GOLGA4: variants seen among roughly 807,000 people sequenced by gnomAD.
GOLGA4 encodes the protein golgin subfamily A member 4.
GOLGA4 carries 169 observed loss-of-function variants against 265.9 expected under a neutral mutation model. The ratio of observed to expected loss-of-function variants is 0.64; its 90% CI spans 0.56 to 0.72. The LOEUF (loss-of-function observed/expected upper bound fraction) is 0.72, where lower values mean the gene tolerates loss of function less well. Among genes scored for constraint, GOLGA4 ranks in the 30% least tolerant of loss-of-function variants. The probability of loss-of-function intolerance (pLI) is 0.00; values close to 1 mark genes in which losing one functional copy is unlikely to be tolerated. For synonymous variants in GOLGA4, 923 were observed against 855.8 expected (o/e 1.08, Z -1.37); for missense variants, 2,482 against 2,483.4 (o/e 1.00, Z 0.01).
chr3:37,306,392 C>G (rs966169182), intron 10 of GOLGA4, among the ~76,000 whole-genome samples: 1 of 152,004 alleles, frequency 6.6e-6, no homozygotes, highest in Non-Finnish European at 1.5e-5. Context: ...GGTGGTTCAG[C>G]TTAAGTACAT....
At position 37,326,722 on chromosome 3, in the gene GOLGA4, T is replaced by A; in HGVS notation, c.4836T>A (p.Asn1612Lys). 1.9e-6 allele frequency: 3 copies of A among 1,613,590 alleles called. No individual in the cohort carries two copies. The highest frequency in any genetic ancestry group is 2.5e-6 in the Non-Finnish European group (3 of 1,179,714). Residue 1612 changes from asparagine to lysine, a missense_variant, in exon 14 of 24, where the codon AAT (asparagine) becomes AAA (lysine). By Grantham distance (94) the Asn-to-Lys change is moderately conservative (BLOSUM62 0). This residue lies in a region of GOLGA4 where 942 missense variants were observed against 983.1 expected (regional missense o/e 0.96). Transcript: ENST00000361924. ...ETKKKELEHV[N>K]LSVKSKEEEL... ...AGAAGAAAGAATTAGAACATGTGAA[T>A]TTAAGTGTGAAAAGCAAAGAGGAGG...
chr3:37,256,422 G>A (rs764842838), intron 2 of GOLGA4, among the ~76,000 whole-genome samples: 4 of 151,572 alleles, frequency 2.6e-5, no homozygotes, highest in Non-Finnish European at 5.9e-5. Context: ...GTGAGCCGAG[G>A]TCGTGCCATT....
intron 22 of GOLGA4, among the ~76,000 whole-genome samples, chr3:37,360,811 A>C (rs375580479): frequency 5.3e-5 from 8 of 152,196 alleles, no homozygotes; most frequent in African/African-American, 1.9e-4. Context: ...ACATATAGAC[A>C]CATGGCTCTT....
intron 22 of GOLGA4, among the ~76,000 whole-genome samples, chr3:37,356,221 G>A (rs531524966): frequency 4.6e-5 from 7 of 152,098 alleles, no homozygotes; most frequent in Non-Finnish European, 1.0e-4. Flanking sequence ...TCCTCCTCCC[G>A]GCTAAATAAT....
intron 1 of GOLGA4, among the ~76,000 whole-genome samples, chr3:37,251,118 C>T (rs921906352): frequency 1.8e-4 from 27 of 152,094 alleles, no homozygotes; most frequent in Non-Finnish European, 2.8e-4. Flanking sequence ...ACACTAGTAT[C>T]GCAACTTTAT....
chr3:37,271,250 T>C (rs2096797919), intron 2 of GOLGA4, among the ~76,000 whole-genome samples: 1 of 152,100 alleles, frequency 6.6e-6, no homozygotes, highest in African/African-American at 2.4e-5. Context: ...ACCCTTGCTT[T>C]ATAGTATGTA....
chr3:37,352,160 C>A (rs189199604), intron 21 of GOLGA4, among the ~76,000 whole-genome samples: 3 of 151,952 alleles, frequency 2.0e-5, no homozygotes, highest in Non-Finnish European at 4.4e-5. Context: ...TCCCTTCTCA[C>A]GGCTGCTAAT....
intron 10 of GOLGA4, among the ~76,000 whole-genome samples, chr3:37,306,579 T>C (rs2096907029): frequency 6.6e-6 from 1 of 151,626 alleles, no homozygotes; most frequent in East Asian, 1.9e-4. Context: ...TAATTATTAA[T>C]GCAGTGTATT....
intron 21 of GOLGA4, among the ~76,000 whole-genome samples, chr3:37,349,668 T>C (rs943974354): frequency 6.6e-6 from 1 of 152,172 alleles, no homozygotes; most frequent in Non-Finnish European, 1.5e-5. Context: ...CAGAGCTGTT[T>C]TTAGACATGT....
At chr3:37,280,768 A>G (rs138668395) in intron 2 of GOLGA4, among the ~76,000 whole-genome samples, 3 of 152,268 alleles carry the variant, frequency 2.0e-5, no homozygotes, top group Admixed American at 2.0e-4. Flanking sequence ...TAATTTATAA[A>G]CTGTATCCTC....
At chr3:37,256,622 T>C (rs1167206452) in intron 2 of GOLGA4, among the ~76,000 whole-genome samples, 1 of 152,204 alleles carries the variant, frequency 6.6e-6, no homozygotes, top group Non-Finnish European at 1.5e-5. Flanking sequence ...GTCTATTTGA[T>C]CATAGCACTC....
chr3:37,246,229 C>G lies in GOLGA4; in HGVS notation c.72+2607C>G, dbSNP rs192702437. ...GGCTGAGGCAGGAGAATTGCTTGACCCTGGGAGGCAGAGGTTGCAATGAAC... is the reference window on the plus strand; with the variant it reads ...GGCTGAGGCAGGAGAATTGCTTGACGCTGGGAGGCAGAGGTTGCAATGAAC... On this transcript the variant is annotated intron_variant, in intron 1 of 23. Coordinates refer to ENST00000361924, the MANE Select transcript of GOLGA4 (RefSeq NM_002078.5). Among the ~76,000 whole-genome samples the G allele has an allele frequency of 5.1e-3, 780 of 151,702 alleles. 7 individuals are homozygous for G. Among genetic ancestry groups the G allele is most frequent in the African/African-American group, 0.018 (746 of 41,364 alleles).
intron 2 of GOLGA4, among the ~76,000 whole-genome samples, 199 bp downstream of exon 2, chr3:37,251,683 A>C (rs77597703): frequency 0.03 from 3,949 of 133,688 alleles, 85 homozygotes; most frequent in African/African-American, 0.05. Context: ...GTCTGTCTGT[A>C]TGTATGTATG....
intron 2 of GOLGA4, among the ~76,000 whole-genome samples, chr3:37,265,676 C>T (rs879827657): frequency 2.0e-5 from 3 of 152,110 alleles, no homozygotes; most frequent in East Asian, 1.9e-4. Context: ...TATCTATTAC[C>T]TCCCAAAGTT....
intron 22 of GOLGA4, among the ~76,000 whole-genome samples, chr3:37,357,109 G>C (rs1187095925): frequency 6.6e-6 from 1 of 152,036 alleles, no homozygotes; most frequent in Non-Finnish European, 1.5e-5. Flanking sequence ...TAAAAAAAAA[G>C]AGTCTTTGAA....
chr3:37,326,459 G>C lies in GOLGA4; in HGVS notation c.4573G>C (p.Ala1525Pro), dbSNP rs754190469. 6.2e-7 allele frequency: 1 copy of C among 1,610,664 alleles called. No individual in the cohort carries two copies. The highest frequency in any genetic ancestry group is 8.5e-7 in the Non-Finnish European group (1 of 1,178,272). Residue 1525 changes from alanine to proline, a missense_variant, in exon 14 of 24, where the codon GCA (alanine) becomes CCA (proline). By Grantham distance (27) the Ala-to-Pro change is conservative (BLOSUM62 -1). This residue lies in a region of GOLGA4 where 942 missense variants were observed against 983.1 expected (regional missense o/e 0.96). Coordinates refer to ENST00000361924, the MANE Select transcript of GOLGA4 (RefSeq NM_002078.5). ...NLETELKSQT[A>P]RIMELEDHIT... Reference sequence around the variant, plus strand: ...AGAAACAGAGTTAAAGTCTCAAACAGCAAGAATTATGGAATTAGAGGACCA... The same window carrying C: ...AGAAACAGAGTTAAAGTCTCAAACACCAAGAATTATGGAATTAGAGGACCA...
intron 2 of GOLGA4, chr3:37,266,990 A>C: frequency 1.2e-6 from 1 of 838,800 alleles, no homozygotes; most frequent in Non-Finnish European, 1.7e-6. Context: ...AAGCAAAGTA[A>C]TTTGGCAATT....
At chr3:37,359,653 T>G (rs2097099397) in intron 22 of GOLGA4, among the ~76,000 whole-genome samples, 1 of 152,214 alleles carries the variant, frequency 6.6e-6, no homozygotes, top group Non-Finnish European at 1.5e-5. Flanking sequence ...TATATAGTTC[T>G]TCATCAGTCC....
At chr3:37,310,424 G>A (rs140191948) in intron 10 of GOLGA4, among the ~76,000 whole-genome samples, 43 of 152,226 alleles carry the variant, frequency 2.8e-4, no homozygotes, top group African/African-American at 1.0e-3. Flanking sequence ...ATCTTTTTGT[G>A]AAATATTTTC....
Sources: gnomAD v4.1 joint callset for allele counts (sites outside exome capture counted in the v4.1 genomes callset) on GRCh38, gnomAD v4.1.1 for gene constraint, gnomAD v4.1.1 regional missense constraint, MANE v1.5 for transcripts, NCBI Gene and HGNC (gene_info 2026-07-23, HGNC 2026-07-21) for gene names.